The following MYO3A variants were observed in gnomAD, a reference collection of about 807,000 sequenced individuals.
The protein encoded by MYO3A is myosin IIIA, also known as myosin-IIIa.
MYO3A carries 180 observed loss-of-function variants against 192.7 expected under a neutral mutation model. The observed-to-expected ratio is 0.93, with a 90% CI of 0.83 to 1.06. The LOEUF (loss-of-function observed/expected upper bound fraction) is 1.06, where lower values mean the gene tolerates loss of function less well. MYO3A is among the 50% of genes least tolerant of loss of function. MYO3A has a pLI of 0.00. For synonymous variants in MYO3A, 628 were observed against 645.3 expected (o/e 0.97, Z 0.41); for missense variants, 1,896 against 1,905.0 (o/e 1.00, Z 0.09).
chr10:26,009,649 A>G (rs1280726154), intron 6 of MYO3A, among the ~76,000 whole-genome samples: 1 of 152,202 alleles, frequency 6.6e-6, no homozygotes, highest in African/African-American at 2.4e-5. Flanking sequence ...TGACCTCAAC[A>G]CAGCTGTAGA....
intron 14 of MYO3A, among the ~76,000 whole-genome samples, chr10:26,076,390 G>C (rs1432872058): frequency 6.6e-6 from 1 of 151,920 alleles, no homozygotes. Flanking sequence ...TGTAGATTTT[G>C]GTTATTAGTC....
chr10:26,032,029 A>T (rs1262828488), intron 10 of MYO3A, among the ~76,000 whole-genome samples: 10 of 152,202 alleles, frequency 6.6e-5, no homozygotes, highest in East Asian at 3.8e-4. Context: ...ATGCAAAATA[A>T]CTTTAATATT....
intron 10 of MYO3A, among the ~76,000 whole-genome samples, chr10:26,064,479 A>T (rs1012500000): frequency 6.6e-6 from 1 of 152,172 alleles, no homozygotes; most frequent in Admixed American, 6.5e-5. Flanking sequence ...AGGCCATGGT[A>T]AGGCATTGGA....
chr10:26,027,423 T>TA (rs1842605962), intron 10 of MYO3A, among the ~76,000 whole-genome samples: 1 of 152,102 alleles, frequency 6.6e-6, no homozygotes, highest in African/African-American at 2.4e-5. Context: ...CTGATCACTG[T>TA]AGCCTCAACC....
chr10:26,206,123 T>C (rs1007733037), intron 34 of MYO3A, among the ~76,000 whole-genome samples: 8 of 151,270 alleles, frequency 5.3e-5, no homozygotes, highest in Non-Finnish European at 8.8e-5. Context: ...TTCAGTGGCA[T>C]GATCTCAGCT....
chr10:26,194,429 G>A (rs1843307635), intron 32 of MYO3A, among the ~76,000 whole-genome samples: 1 of 152,050 alleles, frequency 6.6e-6, no homozygotes, highest in Non-Finnish European at 1.5e-5. Flanking sequence ...ATTCCCTCAT[G>A]CTCCCGAGGC....
chr10:25,940,507 A>G (rs532734326), intron 2 of MYO3A, among the ~76,000 whole-genome samples: 1 of 152,204 alleles, frequency 6.6e-6, no homozygotes, highest in South Asian at 2.1e-4. Context: ...AGAGCCCATT[A>G]TTGTATCCTA....
intron 4 of MYO3A, among the ~76,000 whole-genome samples, chr10:25,989,135 G>T (rs1328721383): frequency 1.3e-5 from 2 of 151,390 alleles, no homozygotes; most frequent in Admixed American, 6.6e-5. Flanking sequence ...TTTAGAGGCA[G>T]GGGTCTTACT....
At chr10:25,947,301 C>G (rs925834316) in intron 2 of MYO3A, among the ~76,000 whole-genome samples, 2 of 150,330 alleles carry the variant, frequency 1.3e-5, no homozygotes, top group Non-Finnish European at 2.9e-5. Flanking sequence ...TTTGTACAGT[C>G]TGTCTTATTA....
At chr10:26,141,487 A>C (rs1325824614) in intron 20 of MYO3A, among the ~76,000 whole-genome samples, 1 of 152,088 alleles carries the variant, frequency 6.6e-6, no homozygotes, top group Non-Finnish European at 1.5e-5. Flanking sequence ...CACGCCACTC[A>C]TCTCTGCTCT....
chr10:26,200,353 T>C (rs977597592), intron 32 of MYO3A, among the ~76,000 whole-genome samples: 1 of 152,236 alleles, frequency 6.6e-6, no homozygotes, highest in Non-Finnish European at 1.5e-5. Context: ...ATTTTTGTTA[T>C]ACAACACTTT....
At chr10:26,055,835 A>G (rs1844282544) in intron 10 of MYO3A, among the ~76,000 whole-genome samples, 1 of 152,232 alleles carries the variant, frequency 6.6e-6, no homozygotes. Flanking sequence ...AAACCTAATC[A>G]TATAACTATA....
chr10:26,015,743 T>G (rs1169865051), intron 6 of MYO3A, among the ~76,000 whole-genome samples: 1 of 152,210 alleles, frequency 6.6e-6, no homozygotes, highest in Non-Finnish European at 1.5e-5. Context: ...TGTGTCCTGT[T>G]TTTAATGTTA....
intron 21 of MYO3A, 104 bp downstream of exon 21, chr10:26,143,705 C>T (rs564225345): frequency 1.6e-5 from 22 of 1,393,118 alleles, no homozygotes; most frequent in Non-Finnish European, 2.1e-5. Flanking sequence ...AAATAGCTGT[C>T]ACAAAGCCTG....
At chr10:26,067,188 A>G in intron 11 of MYO3A, 114 bp downstream of exon 11, 2 of 715,766 alleles carry the variant, frequency 2.8e-6, no homozygotes, top group East Asian at 2.7e-5. Flanking sequence ...GTTATTAAGA[A>G]TCTTAACACT....
intron 14 of MYO3A, among the ~76,000 whole-genome samples, chr10:26,083,613 A>C (rs1392106390): frequency 6.6e-6 from 1 of 152,150 alleles, no homozygotes; most frequent in Non-Finnish European, 1.5e-5. Context: ...CATTGATTAT[A>C]ATGTTAGCTG....
intron 14 of MYO3A, among the ~76,000 whole-genome samples, chr10:26,080,932 C>T (rs1835887330): frequency 6.6e-6 from 1 of 152,076 alleles, no homozygotes; most frequent in East Asian, 1.9e-4. Context: ...GCCATGGATA[C>T]CAGCACGTGT....
At chr10:26,176,634 C>A (rs1185195232) in intron 30 of MYO3A, 67 bp from the exon 31 acceptor site, 2 of 1,466,080 alleles carry the variant, frequency 1.4e-6, no homozygotes, top group Non-Finnish European at 1.9e-6. Flanking sequence ...TTTCCCAGCC[C>A]CCGGTGCCTG....
intron 4 of MYO3A, among the ~76,000 whole-genome samples, chr10:25,988,365 T>A (rs891133927): frequency 1.7e-4 from 26 of 151,744 alleles, no homozygotes; most frequent in East Asian, 9.7e-4. Flanking sequence ...TATTGAAATT[T>A]AAAAAAAATT....
Sources: allele counts gnomAD v4.1 joint callset (sites outside exome capture counted in the v4.1 genomes callset), GRCh38; gene constraint gnomAD v4.1.1; transcripts MANE v1.5; gene names NCBI Gene and HGNC (gene_info 2026-07-23, HGNC 2026-07-21).